The following MARCHF1 variants were observed in gnomAD, a reference collection of about 807,000 sequenced individuals.
MARCHF1 encodes the protein membrane associated ring-CH-type finger 1.
Under a neutral mutation model 54.2 loss-of-function variants are expected in MARCHF1, and 40 were observed. The observed-to-expected ratio is 0.74, with a 90% CI of 0.57 to 0.96. The LOEUF is 0.96. Among genes scored for constraint, MARCHF1 ranks in the 40% least tolerant of loss-of-function variants. MARCHF1 has a pLI of 0.00. For synonymous variants in MARCHF1, 236 were observed against 236.3 expected, an observed-to-expected ratio of 1.00 and a Z score of 0.01; for missense variants, 586 against 656.5, an observed-to-expected ratio of 0.89 and a Z score of 1.17.
chr4:164,257,453 C>T (rs7688153), intron 1 of MARCHF1, among the ~76,000 whole-genome samples: 17,687 of 151,054 alleles, frequency 0.12, 1,604 homozygotes, highest in African/African-American at 0.25. Flanking sequence ...TATGATAAAT[C>T]GTCAGTTTTG....
chr4:164,359,975 CAG>C (rs771648099), intron 1 of MARCHF1, among the ~76,000 whole-genome samples: 18 of 152,052 alleles, frequency 1.2e-4, no homozygotes, highest in Non-Finnish European at 2.4e-4. Flanking sequence ...GACATTATTC[CAG>C]AGAGTGTCAT....
At chr4:164,112,226 C>T (rs1185535260) in intron 1 of MARCHF1, among the ~76,000 whole-genome samples, 2 of 151,874 alleles carry the variant, frequency 1.3e-5, no homozygotes, top group African/African-American at 4.8e-5. Flanking sequence ...GAAATATCCA[C>T]AAGCCATGTA....
At chr4:163,531,899 A>T (rs1423448972) in intron 9 of MARCHF1, among the ~76,000 whole-genome samples, 1 of 151,898 alleles carries the variant, frequency 6.6e-6, no homozygotes, top group African/African-American at 2.4e-5. Flanking sequence ...TATGTACAAG[A>T]TTTATGTGAG....
At chr4:163,676,313 C>T (rs971232916) in intron 5 of MARCHF1, among the ~76,000 whole-genome samples, 3 of 149,714 alleles carry the variant, frequency 2.0e-5, no homozygotes, top group Non-Finnish European at 4.4e-5. Flanking sequence ...GCCGAGGTTG[C>T]GCCATTGCAC....
chr4:164,291,158 T>G (rs1422525483), intron 1 of MARCHF1, among the ~76,000 whole-genome samples: 3 of 152,004 alleles, frequency 2.0e-5, no homozygotes, highest in African/African-American at 7.2e-5. Flanking sequence ...CTTGATAATT[T>G]TTGAAAATTT....
chr4:163,789,005 A>G (rs78934923), intron 4 of MARCHF1, among the ~76,000 whole-genome samples: 3,150 of 152,188 alleles, frequency 0.021, 66 homozygotes, highest in African/African-American at 0.05. Flanking sequence ...CTTGCCTGCC[A>G]CAATTATTAC....
At chr4:163,967,315 C>A (rs954044580) in intron 3 of MARCHF1, among the ~76,000 whole-genome samples, 2 of 152,020 alleles carry the variant, frequency 1.3e-5, no homozygotes, top group African/African-American at 4.8e-5. Flanking sequence ...GAGCAGTGAG[C>A]AGTGGGAATG....
intron 4 of MARCHF1, among the ~76,000 whole-genome samples, chr4:163,773,786 T>C (rs1405469735): frequency 2.6e-5 from 4 of 152,162 alleles, no homozygotes; most frequent in African/African-American, 9.7e-5. Context: ...ATGTTTTGAA[T>C]AAAAGCCTAT....
chr4:163,623,342 G>C (rs1429859550), intron 5 of MARCHF1, among the ~76,000 whole-genome samples: 1 of 152,196 alleles, frequency 6.6e-6, no homozygotes, highest in Non-Finnish European at 1.5e-5. Flanking sequence ...GATTCAGGCA[G>C]TTGTCTCTGG....
intron 4 of MARCHF1, among the ~76,000 whole-genome samples, chr4:163,853,717 A>G (rs145056034): frequency 1.4e-3 from 208 of 152,300 alleles, no homozygotes; most frequent in African/African-American, 4.8e-3. Context: ...CGCAGTATAG[A>G]ATCCAAGAAC....
intron 1 of MARCHF1, among the ~76,000 whole-genome samples, chr4:164,114,917 C>T (rs1755910418): frequency 6.6e-6 from 1 of 151,866 alleles, no homozygotes; most frequent in African/African-American, 2.4e-5. Context: ...ATGTCAATGA[C>T]TACTGACCTT....
chr4:163,966,513 A>G (rs978875425), intron 3 of MARCHF1, among the ~76,000 whole-genome samples: 5 of 152,148 alleles, frequency 3.3e-5, no homozygotes, highest in Non-Finnish European at 7.4e-5. Flanking sequence ...TGAGAATACA[A>G]TAATAGTAAG....
At chr4:163,971,122 C>T (rs17578337) in intron 3 of MARCHF1, among the ~76,000 whole-genome samples, 33,513 of 150,818 alleles carry the variant, frequency 0.22, 4,439 homozygotes, top group Non-Finnish European at 0.3. Context: ...AAACAAAACA[C>T]TTCTCTCTCG....
intron 3 of MARCHF1, among the ~76,000 whole-genome samples, chr4:163,959,331 A>T (rs1269620613): frequency 4.6e-5 from 3 of 65,160 alleles, no homozygotes; most frequent in Non-Finnish European, 1.1e-4. Flanking sequence ...CAACAACAAC[A>T]AAAAAAAAAA....
intron 1 of MARCHF1, among the ~76,000 whole-genome samples, chr4:164,318,242 T>C (rs997107387): frequency 1.3e-5 from 2 of 152,140 alleles, no homozygotes; most frequent in Admixed American, 6.5e-5. Context: ...AGACTTGTGC[T>C]CTAGAAAAAG....
At chr4:164,356,774 G>GAAAAGCAAAAAAAAAAAAAAA (rs1554004212) in intron 1 of MARCHF1, among the ~76,000 whole-genome samples, 7 of 78,286 alleles carry the variant, frequency 8.9e-5, no homozygotes, top group African/African-American at 1.4e-4. Context: ...AAAAAAAAAA[G>GAAAAGCAAAAAAAAAAAAAAA]AAAAGCAAAA....
Position 164,107,775 on chromosome 4 carries a change from T to C in MARCHF1, c.-248+3813A>G, listed in dbSNP as rs975201663. ...AGTAACAGTATAAAATGAAAAAGAA[T>C]ACAAATGAACTATTTATTTTACTAT... On this transcript the variant is annotated intron_variant, in intron 2 of 9. Transcript: ENST00000514618. 2.6e-5 allele frequency among the ~76,000 whole-genome samples: 4 copies of C among 151,702 alleles called. No individual in the cohort carries two copies. The East Asian group carries it at 7.7e-4, about 29-fold the overall frequency.
At chr4:164,147,055 C>A (rs1019339888) in intron 1 of MARCHF1, among the ~76,000 whole-genome samples, 263 of 151,766 alleles carry the variant, frequency 1.7e-3, no homozygotes, top group African/African-American at 6.2e-3. Flanking sequence ...TTTATGCAGC[C>A]AAAAAACACA....
Position 164,308,214 on chromosome 4 carries a change from T to C in MARCHF1, c.-323+75656A>G, listed in dbSNP as rs377681544. On this transcript the variant is annotated intron_variant, in intron 1 of 9. Coordinates refer to ENST00000514618, the MANE Select transcript of MARCHF1 (RefSeq NM_001394959.1). ...AAAAAATCACAATATTTATGATTTG[T>C]ACATAATTCAGAGGGTCTTGATATT... is the stretch of plus-strand genomic sequence containing the variant. 1.3e-4 allele frequency among the ~76,000 whole-genome samples: 20 copies of C among 152,342 alleles called. No homozygotes were observed. In the Middle Eastern group the frequency reaches 0.01, roughly 78 times the overall value.
Sources: allele counts gnomAD v4.1 joint callset (sites outside exome capture counted in the v4.1 genomes callset), GRCh38; gene constraint gnomAD v4.1.1; transcripts MANE v1.5; gene names NCBI Gene and HGNC (gene_info 2026-07-23, HGNC 2026-07-21).